ELMOD1: variants seen among roughly 807,000 people sequenced by gnomAD.
The protein encoded by ELMOD1 is ELMO domain-containing protein 1.
In ELMOD1, 21 loss-of-function variants were observed where a neutral mutation model predicts 46.7. That is an observed-to-expected ratio of 0.45 (90% CI 0.32 to 0.65). The LOEUF (loss-of-function observed/expected upper bound fraction) is 0.65. Ranked by LOEUF, ELMOD1 falls within the 30% of genes least tolerant of loss-of-function variation. ELMOD1 has a pLI of 0.04. For missense variants in ELMOD1, 348 were observed against 407.8 expected (o/e 0.85, Z 1.26); for synonymous variants, 122 against 138.2 (o/e 0.88, Z 0.82).
intron 1 of ELMOD1, among the ~76,000 whole-genome samples, chr11:107,603,403 G>C (rs1240175460): frequency 6.6e-6 from 1 of 152,150 alleles, no homozygotes; most frequent in Non-Finnish European, 1.5e-5. Flanking sequence ...GCTGTGCGTG[G>C]TGGTGCATAC....
chr11:107,629,664 TGTACA>T (rs1317036090), intron 2 of ELMOD1, among the ~76,000 whole-genome samples: 4 of 152,090 alleles, frequency 2.6e-5, no homozygotes, highest in Non-Finnish European at 5.9e-5. Flanking sequence ...TGAGGTAGGG[TGTACA>T]GTAAAGAAAA....
chr11:107,617,803 A>G (rs1255673880), intron 1 of ELMOD1, among the ~76,000 whole-genome samples: 1 of 152,208 alleles, frequency 6.6e-6, no homozygotes, highest in African/African-American at 2.4e-5. Context: ...TTTCTTAGGA[A>G]TACTATTCCT....
chr11:107,664,790 G>T (rs1650549914), intron 11 of ELMOD1, among the ~76,000 whole-genome samples: 1 of 152,112 alleles, frequency 6.6e-6, no homozygotes. Context: ...TGCTTGGGAA[G>T]AGTGAGAATG....
intron 6 of ELMOD1, among the ~76,000 whole-genome samples, chr11:107,645,199 A>G (rs1285577371): frequency 6.6e-6 from 1 of 151,674 alleles, no homozygotes; most frequent in Non-Finnish European, 1.5e-5. Flanking sequence ...TACCTCCCAA[A>G]GTGCTAGGAT....
intron 5 of ELMOD1, 105 bp downstream of exon 5, chr11:107,631,782 A>G (rs1406345082): frequency 3.6e-6 from 2 of 562,240 alleles, no homozygotes; most frequent in Non-Finnish European, 6.0e-6. Flanking sequence ...CTCTCCCTAA[A>G]ATAATCATCT....
At chr11:107,656,739 C>G (rs1443963223) in intron 11 of ELMOD1, among the ~76,000 whole-genome samples, 1 of 152,074 alleles carries the variant, frequency 6.6e-6, no homozygotes, top group Admixed American at 6.6e-5. Context: ...GTGTTTCTCT[C>G]CCTCTGATCC....
At chr11:107,618,937 A>G (rs1865904202) in intron 2 of ELMOD1, among the ~76,000 whole-genome samples, 1 of 152,228 alleles carries the variant, frequency 6.6e-6, no homozygotes. Flanking sequence ...CCTGAATGTG[A>G]GAAAATACAA....
At chr11:107,592,158 A>G (rs1032833328) in intron 1 of ELMOD1, among the ~76,000 whole-genome samples, 3 of 152,050 alleles carry the variant, frequency 2.0e-5, no homozygotes, top group African/African-American at 7.2e-5. Flanking sequence ...GTTTATGCTC[A>G]ACCTCTAAGC....
intron 11 of ELMOD1, among the ~76,000 whole-genome samples, chr11:107,657,836 ATAAATT>A (rs1335871091): frequency 1.3e-5 from 2 of 152,188 alleles, no homozygotes; most frequent in African/African-American, 4.8e-5. Flanking sequence ...GCTGCAAATA[ATAAATT>A]TAGATTCTAG....
chr11:107,625,668 G>A, intron 2 of ELMOD1: 2 of 572,736 alleles, frequency 3.5e-6, no homozygotes, highest in Non-Finnish European at 4.4e-6. Flanking sequence ...TTGTTTGGTA[G>A]CAGAGATATG....
At chr11:107,664,523 T>C (rs766240664) in intron 11 of ELMOD1, among the ~76,000 whole-genome samples, 4 of 152,226 alleles carry the variant, frequency 2.6e-5, no homozygotes, top group Non-Finnish European at 5.9e-5. Flanking sequence ...CAGTCTGTGT[T>C]GTTCAGGGTT....
chr11:107,649,740 A>G (rs977327749), intron 7 of ELMOD1, among the ~76,000 whole-genome samples: 3 of 152,214 alleles, frequency 2.0e-5, no homozygotes, highest in Non-Finnish European at 4.4e-5. Flanking sequence ...CTATTGTTTT[A>G]TCATTGTCTC....
In ELMOD1 at chr11:107,604,499, T is replaced by C. The variant is rs543380799; in HGVS notation, c.-86+13090T>C. Among the ~76,000 whole-genome samples, 209 of 152,346 alleles carry C rather than the reference T, an allele frequency of 1.4e-3. 2 individuals are homozygous for C. Among genetic ancestry groups the C allele is most frequent in the South Asian group, 0.013 (63 of 4,830 alleles). On this transcript the variant is annotated intron_variant, in intron 1 of 11. Coordinates refer to ENST00000265840, the MANE Select transcript of ELMOD1 (RefSeq NM_018712.4). The stretch of plus-strand genomic sequence containing the variant: ...AGCATCACAGCCCGGAATTTGGAAG[T>C]AAGTAGGCTTCAGTCTTGCTATGTT...
At chr11:107,599,983 A>C (rs549541) in intron 1 of ELMOD1, among the ~76,000 whole-genome samples, 33,208 of 151,974 alleles carry the variant, frequency 0.22, 5,739 homozygotes, top group African/African-American at 0.48. Context: ...ATTATTATAG[A>C]CTTTCTTGGC....
chr11:107,600,718 T>A (rs889203046), intron 1 of ELMOD1: 1 of 152,942 alleles, frequency 6.5e-6, no homozygotes, highest in Non-Finnish European at 1.5e-5. Flanking sequence ...TCCTATTAAA[T>A]ATTTCCCACC....
intron 6 of ELMOD1, among the ~76,000 whole-genome samples, chr11:107,646,501 G>T (rs749513369): frequency 1.3e-5 from 2 of 152,114 alleles, no homozygotes; most frequent in Non-Finnish European, 2.9e-5. Flanking sequence ...TTGGGAGGCC[G>T]AGGCAGGCAG....
chr11:107,615,229 CTTTTTTT>C (rs34461488), intron 1 of ELMOD1, among the ~76,000 whole-genome samples: 7 of 81,138 alleles, frequency 8.6e-5, no homozygotes, highest in Admixed American at 3.9e-4. Flanking sequence ...TTGTCAGCAT[CTTTTTTT>C]TTTTTTTTTT....
chr11:107,639,787 C>T (rs1416159672), intron 6 of ELMOD1, among the ~76,000 whole-genome samples: 1 of 152,150 alleles, frequency 6.6e-6, no homozygotes, highest in South Asian at 2.1e-4. Flanking sequence ...TCCTCCACTT[C>T]GCAGGTGGCT....
At chr11:107,641,976 A>C (rs1866331807) in intron 6 of ELMOD1, among the ~76,000 whole-genome samples, 1 of 123,322 alleles carries the variant, frequency 8.1e-6, no homozygotes, top group Non-Finnish European at 1.6e-5. Flanking sequence ...ATGGAGTCTC[A>C]CTCTGTCACC....
Sources: allele counts gnomAD v4.1 joint callset (sites outside exome capture counted in the v4.1 genomes callset), GRCh38; gene constraint gnomAD v4.1.1; transcripts MANE v1.5; gene names NCBI Gene and HGNC (gene_info 2026-07-23, HGNC 2026-07-21).